The following DLC1 variants were observed in gnomAD, a reference collection of about 807,000 sequenced individuals.
DLC1 encodes the protein rho GTPase-activating protein 7.
In DLC1, 54 loss-of-function variants were observed where a neutral mutation model predicts 140.3. The ratio of observed to expected loss-of-function variants is 0.38; its 90% CI spans 0.31 to 0.48. DLC1 has a LOEUF of 0.48. DLC1 is among the 20% of genes least tolerant of loss of function. The pLI is 0.96. For synonymous variants in DLC1, 986 were observed against 728.1 expected, an observed-to-expected ratio of 1.35 and a Z score of -5.70; for missense variants, 2,536 against 1,907.0, an observed-to-expected ratio of 1.33 and a Z score of -6.14.
chr8:13,601,300 C>T (rs1305545689), intron 1 of DLC1, among the ~76,000 whole-genome samples: 2 of 151,686 alleles, frequency 1.3e-5, no homozygotes, highest in Non-Finnish European at 3.0e-5. Flanking sequence ...TCCAGTCTTC[C>T]AGTAAACAGA....
At chr8:13,531,948 A>G (rs1803113154) in intron 1 of DLC1, among the ~76,000 whole-genome samples, 1 of 152,296 alleles carries the variant, frequency 6.6e-6, no homozygotes. Context: ...TGCTTATGTC[A>G]CTCAGCTAGT....
chr8:13,490,651 G>A (rs986374679), intron 2 of DLC1, among the ~76,000 whole-genome samples: 1 of 152,106 alleles, frequency 6.6e-6, no homozygotes, highest in Admixed American at 6.6e-5. Flanking sequence ...AATTGGTCAT[G>A]GTTTATAGTA....
At chr8:13,428,324 T>C (rs1240396972) in intron 2 of DLC1, among the ~76,000 whole-genome samples, 1 of 152,198 alleles carries the variant, frequency 6.6e-6, no homozygotes, top group Non-Finnish European at 1.5e-5. Context: ...GTGAGGATGT[T>C]AGTAGAGGAT....
intron 5 of DLC1, among the ~76,000 whole-genome samples, chr8:13,174,679 G>C (rs576051033): frequency 1.3e-5 from 2 of 152,242 alleles, no homozygotes; most frequent in East Asian, 1.9e-4. Context: ...AGAAGCATCT[G>C]TTCATGTCCT....
chr8:13,271,371 C>T lies in DLC1; in HGVS notation c.1348+33898G>A, dbSNP rs562948992. ...ACAGGAGTCAATGTTTTTGGTTGCC[C>T]TTCCTTGGAAGTGGGCCAGAATTCC... is the stretch of plus-strand genomic sequence containing the variant. On this transcript the variant is annotated intron_variant, in intron 5 of 17. Coordinates refer to ENST00000276297, the MANE Select transcript of DLC1 (RefSeq NM_182643.3). 2.6e-5 allele frequency among the ~76,000 whole-genome samples: 4 copies of T among 152,258 alleles called. No homozygotes were observed. The South Asian group carries it at 8.3e-4, about 32-fold the overall frequency.
chr8:13,306,508 A>C (rs1832432167), intron 4 of DLC1, among the ~76,000 whole-genome samples: 1 of 151,778 alleles, frequency 6.6e-6, no homozygotes, highest in Admixed American at 6.6e-5. Context: ...ACATCCTCAG[A>C]GTTGAAGTAA....
In DLC1 at chr8:13,499,445, A is replaced by G. The variant is rs1801679701; in HGVS notation, c.627T>C (p.Asn209=). ...LSEIKDAPKV[N]AVDTLNVKDI... ...CTTTCACGTTCAAAGTATCCACTGC[A>G]TTTACTTTGGGTGCATCTTTTATTT... is the stretch of plus-strand genomic sequence containing the variant. The change falls in exon 2 of 18, where the codon AAT becomes AAC. Residue 209 remains asparagine (N), a synonymous_variant. Transcript: ENST00000276297. 1.2e-6 allele frequency: 2 copies of G among 1,613,968 alleles called. No individual in the cohort carries two copies. The highest frequency in any genetic ancestry group is 1.7e-6 in the Non-Finnish European group (2 of 1,180,006).
At chr8:13,591,961 T>A (rs764501449) in intron 1 of DLC1, among the ~76,000 whole-genome samples, 1 of 152,050 alleles carries the variant, frequency 6.6e-6, no homozygotes, top group Non-Finnish European at 1.5e-5. Flanking sequence ...AGTTTTAAAA[T>A]CAGCACCTGG....
At chr8:13,390,150 CT>C (rs1836686565) in intron 4 of DLC1, among the ~76,000 whole-genome samples, 1 of 152,140 alleles carries the variant, frequency 6.6e-6, no homozygotes, top group Non-Finnish European at 1.5e-5. Flanking sequence ...CCAAGAATTA[CT>C]TTTGAACTGT....
chr8:13,107,472 C>A (rs568551599), intron 7 of DLC1, among the ~76,000 whole-genome samples: 1 of 152,316 alleles, frequency 6.6e-6, no homozygotes, highest in Admixed American at 6.5e-5. Context: ...TGAATTTCTG[C>A]AACCATATTA....
At chr8:13,158,224 TTG>T (rs1824403135) in intron 5 of DLC1, among the ~76,000 whole-genome samples, 1 of 152,220 alleles carries the variant, frequency 6.6e-6, no homozygotes, top group Non-Finnish European at 1.5e-5. Context: ...GAGGGGTTAA[TTG>T]TGTGTCTGAC....
chr8:13,186,728 G>T (rs1275958619), intron 5 of DLC1, among the ~76,000 whole-genome samples: 1 of 152,160 alleles, frequency 6.6e-6, no homozygotes, highest in Non-Finnish European at 1.5e-5. Flanking sequence ...AGGAGAAGAG[G>T]CACTCTGAGT....
chr8:13,303,038 T>A (rs1832266723), intron 5 of DLC1, among the ~76,000 whole-genome samples: 1 of 152,206 alleles, frequency 6.6e-6, no homozygotes, highest in Admixed American at 6.5e-5. Context: ...ATTCATAAAA[T>A]ATTCAGACAC....
At position 13,092,414 on chromosome 8, in the gene DLC1, C is replaced by CA. The variant is rs368922696; in HGVS notation, c.3740+197dup. 2.9e-3 allele frequency among the ~76,000 whole-genome samples: 449 copies of CA among 152,302 alleles called. 7 individuals are homozygous for CA. The South Asian group carries it at 0.036, about 12-fold the overall frequency. ...GGATTTTGTCTGTGGGGGTTAAGTC[C>CA]AGTGAGACTATTTTCTCATGCACGC... is the stretch of plus-strand genomic sequence containing the variant. On this transcript the variant is annotated intron_variant, in intron 13 of 17. Coordinates refer to ENST00000276297, the MANE Select transcript of DLC1 (RefSeq NM_182643.3).
intron 5 of DLC1, among the ~76,000 whole-genome samples, chr8:13,227,397 G>A (rs1828845002): frequency 6.6e-6 from 1 of 152,100 alleles, no homozygotes; most frequent in Non-Finnish European, 1.5e-5. Flanking sequence ...GGAGAGACTT[G>A]GATTGGGAAT....
chr8:13,349,402 GA>G (rs945923992), intron 4 of DLC1, among the ~76,000 whole-genome samples: 5 of 151,810 alleles, frequency 3.3e-5, no homozygotes, highest in East Asian at 3.9e-4. Context: ...AAGAAAGAAA[GA>G]AAAAAACGGA....
intron 2 of DLC1, among the ~76,000 whole-genome samples, chr8:13,414,775 C>A (rs962239497): frequency 1.3e-5 from 2 of 151,956 alleles, no homozygotes; most frequent in African/African-American, 4.8e-5. Flanking sequence ...AGAAAAATAT[C>A]CTTATTTGAC....
intron 1 of DLC1, among the ~76,000 whole-genome samples, chr8:13,579,470 A>AT (rs569664222): frequency 0.011 from 1,052 of 94,214 alleles, 103 homozygotes; most frequent in East Asian, 0.066. Context: ...AATACATTAT[A>AT]TTTTATATTA....
rs746830060 is a variant in DLC1, at chr8:13,312,386, A to ATAATAAT, written c.1315-7085_1315-7084insATTATTA. Among the ~76,000 whole-genome samples the ATAATAAT allele has an allele frequency of 1.1e-3, 90 of 81,700 alleles. 5 individuals carry two copies. Among genetic ancestry groups the ATAATAAT allele is most frequent in the African/African-American group, 3.9e-3 (88 of 22,404 alleles). The allele number at this position is 81,700 out of a possible 152,430, so 53.6% of individuals were successfully genotyped here. A position where few individuals can be genotyped will look rare whatever the true frequency, so the allele number is the denominator to read the frequency against. ...AAAAAAAAAAAAAAAAAAAAAAAAA[A>ATAATAAT]AATAATTTCTTTAGCAAGCTAGATA... is the stretch of plus-strand genomic sequence containing the variant. On this transcript the variant is annotated intron_variant, in intron 4 of 17. Transcript: ENST00000276297.
Sources: allele counts gnomAD v4.1 joint callset (sites outside exome capture counted in the v4.1 genomes callset), GRCh38; gene constraint gnomAD v4.1.1; transcripts MANE v1.5; gene names NCBI Gene and HGNC (gene_info 2026-07-23, HGNC 2026-07-21).